PDE4D: variants seen among roughly 807,000 people sequenced by gnomAD.
PDE4D encodes the protein 3',5'-cyclic-AMP phosphodiesterase 4D.
Under a neutral mutation model 87.4 loss-of-function variants are expected in PDE4D, and 24 were observed. That is an observed-to-expected ratio of 0.27 (90% CI 0.20 to 0.39). The LOEUF is 0.39. Ranked by LOEUF, PDE4D falls within the 10% of genes least tolerant of loss-of-function variation. The probability of loss-of-function intolerance (pLI) is 1.00; values close to 1 mark genes in which losing one functional copy is unlikely to be tolerated. For synonymous variants in PDE4D, 384 were observed against 383.2 expected (o/e 1.00, Z -0.02); for missense variants, 714 against 1,041.0 (o/e 0.69, Z 4.32).
At chr5:59,363,605 AACTC>A (rs1449384589) in intron 1 of PDE4D, among the ~76,000 whole-genome samples, 1 of 152,236 alleles carries the variant, frequency 6.6e-6, no homozygotes, top group Non-Finnish European at 1.5e-5. Flanking sequence ...TTAATCTTCC[AACTC>A]ACGAGCAGAC....
At position 59,893,524 on chromosome 5, in the gene PDE4D, C is replaced by T. The variant is rs1275744663; in HGVS notation, c.99G>A (p.Trp33Ter). The change falls in exon 1 of 15, where the codon TGG (tryptophan) becomes TGA (stop). Residue 33 changes from tryptophan (W) to a stop codon, truncating the protein, a stop_gained. Coordinates refer to ENST00000340635, the MANE Select transcript of PDE4D (RefSeq NM_001104631.2). LOFTEE classifies it high-confidence loss of function. ...GGTACTGGTGGTGCTGCTCGTGCCT[C>T]CAGAGATGCTTGGGGGCTTTGAGCG... ...GATLKAPKHL[W>*]RHEQHHQYPL... 1 of 1,541,326 alleles carries T rather than the reference C, an allele frequency of 6.5e-7. No homozygotes were observed. The highest frequency in any genetic ancestry group is 8.7e-7 in the Non-Finnish European group (1 of 1,142,972).
At chr5:59,574,633 G>A (rs1437167809) in intron 1 of PDE4D, among the ~76,000 whole-genome samples, 1 of 151,982 alleles carries the variant, frequency 6.6e-6, no homozygotes. Context: ...TGAAACCCTC[G>A]AATGCTTTAT....
chr5:59,122,837 CT>C (rs1464805541), intron 5 of PDE4D, among the ~76,000 whole-genome samples: 2 of 152,104 alleles, frequency 1.3e-5, no homozygotes, highest in Non-Finnish European at 2.9e-5. Flanking sequence ...TTAAGAAGTT[CT>C]TTTCTCAAGA....
chr5:59,071,984 C>T (rs1031011856), intron 5 of PDE4D, among the ~76,000 whole-genome samples: 23 of 152,238 alleles, frequency 1.5e-4, no homozygotes, highest in African/African-American at 5.1e-4. Context: ...CCACCGCGCC[C>T]GGCCAACATC....
chr5:59,633,794 G>T (rs1388706133), intron 1 of PDE4D, among the ~76,000 whole-genome samples: 1 of 152,144 alleles, frequency 6.6e-6, no homozygotes, highest in East Asian at 1.9e-4. Context: ...ATATTAAATT[G>T]TAAAGACCGC....
chr5:59,056,062 G>C (rs189936149), intron 5 of PDE4D, among the ~76,000 whole-genome samples: 4 of 152,304 alleles, frequency 2.6e-5, no homozygotes, highest in African/African-American at 9.6e-5. Flanking sequence ...AGAGGTTCCA[G>C]ACAGGCTTCC....
intron 2 of PDE4D, among the ~76,000 whole-genome samples, chr5:59,989,098 A>C (rs1425692935): frequency 1.1e-5 from 1 of 93,782 alleles, no homozygotes; most frequent in Non-Finnish European, 2.4e-5. Context: ...ATATATATAT[A>C]TATATATATA....
intron 6 of PDE4D, among the ~76,000 whole-genome samples, chr5:59,000,584 G>C (rs932433129): frequency 6.6e-6 from 1 of 152,134 alleles, no homozygotes; most frequent in East Asian, 1.9e-4. Context: ...GGGACCACTT[G>C]CAATTCTGGG....
intron 2 of PDE4D, among the ~76,000 whole-genome samples, chr5:60,092,728 C>A (rs1276657511): frequency 6.6e-6 from 1 of 152,130 alleles, no homozygotes; most frequent in African/African-American, 2.4e-5. Context: ...TCCAATGAGG[C>A]CTAAAAGTGA....
chr5:60,443,072 C>G (rs936423492), intron 1 of PDE4D, among the ~76,000 whole-genome samples: 1 of 152,084 alleles, frequency 6.6e-6, no homozygotes, highest in Admixed American at 6.5e-5. Flanking sequence ...AGCAAATAGA[C>G]AGTTGAGTGT....
intron 1 of PDE4D, among the ~76,000 whole-genome samples, chr5:59,776,796 A>C (rs914777825): frequency 6.6e-6 from 1 of 152,074 alleles, no homozygotes; most frequent in Admixed American, 6.6e-5. Context: ...GAACCTCTCC[A>C]CTCACATTTC....
chr5:59,009,771 T>C (rs1752397672), intron 6 of PDE4D, among the ~76,000 whole-genome samples: 1 of 152,202 alleles, frequency 6.6e-6, no homozygotes, highest in South Asian at 2.1e-4. Context: ...AACTCTTATG[T>C]AAATTATACC....
intron 2 of PDE4D, among the ~76,000 whole-genome samples, chr5:60,003,120 TG>T (rs1397447036): frequency 6.6e-6 from 1 of 152,056 alleles, no homozygotes; most frequent in Non-Finnish European, 1.5e-5. Flanking sequence ...ATAAACTATC[TG>T]TAAAATAAAT....
chr5:60,116,419 C>T (rs183088827), intron 2 of PDE4D, among the ~76,000 whole-genome samples: 1 of 152,136 alleles, frequency 6.6e-6, no homozygotes, highest in East Asian at 1.9e-4. Flanking sequence ...CCCCCCATTG[C>T]CATATAGTGC....
At position 59,659,851 on chromosome 5, in the gene PDE4D, T is replaced by C. The variant is rs370552132; in HGVS notation, c.455+233317A>G. Among the ~76,000 whole-genome samples the C allele has an allele frequency of 2.2e-4, 33 of 152,290 alleles. No homozygotes were observed. The South Asian group carries it at 6.8e-3, about 32-fold the overall frequency. ...CAGCAGTTAGAAGATTCCTATTCTC[T>C]GACAACTCTCTCATAACAAACTTGA... On this transcript the variant is annotated intron_variant, in intron 1 of 14. Coordinates refer to ENST00000340635, the MANE Select transcript of PDE4D (RefSeq NM_001104631.2).
At chr5:59,442,600 T>A (rs1011027000) in intron 1 of PDE4D, among the ~76,000 whole-genome samples, 8 of 152,224 alleles carry the variant, frequency 5.3e-5, no homozygotes, top group African/African-American at 1.9e-4. Flanking sequence ...TTTAACAACA[T>A]GTTTTGGAGA....
intron 1 of PDE4D, among the ~76,000 whole-genome samples, chr5:60,334,190 C>T (rs12653863): frequency 0.26 from 38,765 of 151,934 alleles, 5,401 homozygotes; most frequent in East Asian, 0.48. Context: ...TCTTGAAGAC[C>T]TGGTTATGTA....
intron 1 of PDE4D, among the ~76,000 whole-genome samples, chr5:60,328,624 G>A (rs77227632): frequency 0.058 from 8,872 of 152,006 alleles, 852 homozygotes; most frequent in African/African-American, 0.2. Flanking sequence ...CTGGTATAAA[G>A]ATTTTGTAGA....
intron 3 of PDE4D, among the ~76,000 whole-genome samples, chr5:59,946,355 C>T (rs1490187867): frequency 1.3e-5 from 2 of 152,180 alleles, no homozygotes; most frequent in Admixed American, 6.5e-5. Context: ...CCCAAAACTT[C>T]CCATGTTCAG....
Sources: gnomAD v4.1 joint callset for allele counts (sites outside exome capture counted in the v4.1 genomes callset) on GRCh38, gnomAD v4.1.1 for gene constraint, MANE v1.5 for transcripts, NCBI Gene and HGNC (gene_info 2026-07-23, HGNC 2026-07-21) for gene names.